ATP10B: variants seen among roughly 807,000 people sequenced by gnomAD.
ATP10B encodes the protein ATPase phospholipid transporting 10B (putative), also known as phospholipid-transporting ATPase VB.
ATP10B carries 122 observed loss-of-function variants against 141.2 expected under a neutral mutation model. The ratio of observed to expected loss-of-function variants is 0.86; its 90% CI spans 0.75 to 1.00. The LOEUF (loss-of-function observed/expected upper bound fraction) is 1.00, where lower values mean the gene tolerates loss of function less well. Among genes scored for constraint, ATP10B ranks in the 50% least tolerant of loss-of-function variants. ATP10B has a pLI of 0.00. For missense variants in ATP10B, 1,876 were observed against 1,825.3 expected (o/e 1.03, Z -0.51); for synonymous variants, 685 against 692.0 (o/e 0.99, Z 0.16).
intron 13 of ATP10B, among the ~76,000 whole-genome samples, chr5:160,626,577 C>A (rs1758624262): frequency 6.6e-6 from 1 of 152,176 alleles, no homozygotes; most frequent in South Asian, 2.1e-4. Context: ...AAAGTCTAAA[C>A]CCTTTAACGC....
At chr5:160,716,795 G>T (rs1765687000) in intron 3 of ATP10B, 114 bp downstream of exon 3, 1 of 721,976 alleles carries the variant, frequency 1.4e-6, no homozygotes, top group Non-Finnish European at 1.7e-6. Flanking sequence ...CTTAGCTCTG[G>T]TTTCCATCAT....
chr5:160,817,031 C>A, intron 1 of ATP10B, among the ~76,000 whole-genome samples: 1 of 152,142 alleles, frequency 6.6e-6, no homozygotes, highest in East Asian at 1.9e-4. Context: ...CTATGACAAA[C>A]CCACAGCCAA....
At chr5:160,900,889 C>T in the ATP10B span, among the ~76,000 whole-genome samples, 1 of 140,164 alleles carries the variant, frequency 7.1e-6, no homozygotes. Flanking sequence ...AAGTATAAAT[C>T]CTTTTGGGGG....
At chr5:160,879,547 A>AG in the ATP10B span, among the ~76,000 whole-genome samples, 1 of 151,472 alleles carries the variant, frequency 6.6e-6, no homozygotes, top group Non-Finnish European at 1.5e-5. Flanking sequence ...TAAAAAAAAA[A>AG]AAAAAACCAC....
chr5:160,831,348 T>A (rs1263957491), intron 1 of ATP10B, among the ~76,000 whole-genome samples: 1 of 152,056 alleles, frequency 6.6e-6, no homozygotes, highest in Non-Finnish European at 1.5e-5. Flanking sequence ...ATAAGATTAC[T>A]GAACTTTCCT....
the ATP10B span, among the ~76,000 whole-genome samples, chr5:160,888,600 G>A: frequency 7.2e-5 from 11 of 152,338 alleles, no homozygotes; most frequent in Non-Finnish European, 1.3e-4. Context: ...TCAAGAAGCA[G>A]AGGGGAGGAG....
intron 3 of ATP10B, among the ~76,000 whole-genome samples, chr5:160,704,235 T>C (rs1368011816): frequency 1.3e-5 from 2 of 152,084 alleles, no homozygotes; most frequent in Non-Finnish European, 2.9e-5. Flanking sequence ...TTTATTATTA[T>C]TGTTCGTAGA....
chr5:160,618,031 C>T, intron 15 of ATP10B, 58 bp from the exon 16 acceptor site: 2 of 1,315,122 alleles, frequency 1.5e-6, no homozygotes, highest in Admixed American at 1.7e-5. Context: ...GGATCCCCAT[C>T]CCCAATACCC....
At chr5:160,740,489 C>G in intron 2 of ATP10B, among the ~76,000 whole-genome samples, 2 of 152,220 alleles carry the variant, frequency 1.3e-5, no homozygotes, top group Admixed American at 1.3e-4. Flanking sequence ...CTCTGCTTAT[C>G]GGCCCTGGCT....
chr5:160,813,244 G>C (rs926924127), intron 1 of ATP10B, among the ~76,000 whole-genome samples: 20 of 152,312 alleles, frequency 1.3e-4, no homozygotes, highest in Non-Finnish European at 2.5e-4. Context: ...TCAAAGAAAG[G>C]GGTGACAGAT....
chr5:160,817,626 T>C (rs933141832), intron 1 of ATP10B, among the ~76,000 whole-genome samples: 1 of 152,204 alleles, frequency 6.6e-6, no homozygotes, highest in Non-Finnish European at 1.5e-5. Context: ...AATGACTTTC[T>C]TCACAGAATT....
the ATP10B span, among the ~76,000 whole-genome samples, chr5:160,884,067 G>C: frequency 2.6e-5 from 4 of 152,218 alleles, no homozygotes; most frequent in African/African-American, 9.6e-5. Context: ...TTGTTTATAA[G>C]CAACATAATA....
rs1379260928 is a variant in ATP10B, at chr5:160,812,059, AGG to A, written c.-575-26258_-575-26257del. Among the ~76,000 whole-genome samples the A allele has an allele frequency of 7.9e-4, 115 of 144,734 alleles. 1 individual carries two copies. Among genetic ancestry groups the A allele is most frequent in the South Asian group, 4.8e-3 (22 of 4,554 alleles). The allele number at this position is 144,734 out of a possible 152,430, so 95.0% of individuals were successfully genotyped here. On this transcript the variant is annotated intron_variant, in intron 1 of 25. Coordinates refer to ENST00000327245, the MANE Select transcript of ATP10B (RefSeq NM_025153.3). Reference sequence around the variant, plus strand: ...GAGAGAGAGAGAGAGAGAGAGAGAGAGGGAGAGGGAGAGAGATTCCTCTTGTT... The same window carrying A: ...GAGAGAGAGAGAGAGAGAGAGAGAGAGAGAGGGAGAGAGATTCCTCTTGTT...
intron 2 of ATP10B, among the ~76,000 whole-genome samples, chr5:160,726,227 C>A (rs981568529): frequency 1.3e-5 from 2 of 152,170 alleles, no homozygotes; most frequent in Non-Finnish European, 2.9e-5. Context: ...TGTTTGCTCA[C>A]ACCAGGGATA....
intron 3 of ATP10B, among the ~76,000 whole-genome samples, chr5:160,699,093 T>C (rs1346560810): frequency 6.6e-6 from 1 of 152,214 alleles, no homozygotes; most frequent in Non-Finnish European, 1.5e-5. Flanking sequence ...AAACTCGAAC[T>C]ACCTTTTCCC....
rs1159522959 is a variant in ATP10B at position 160,687,879 on chromosome 5, A to G, written c.196T>C (p.Tyr66His). Residue 66 changes from tyrosine to histidine, a missense_variant, in exon 5 of 26, where the codon TAC (tyrosine) becomes CAC (histidine). Transcript: ENST00000327245. ...GTTGTGCAGGTTCTGTTGCCAGGGT[A>G]TCTCCTGGAGACCTCTTCCCAATCT... is the stretch of plus-strand genomic sequence containing the variant. ...HQDWEEVSRRYPGNRTCTTKY... is the reference protein window; with the variant it reads ...HQDWEEVSRRHPGNRTCTTKY... 1.9e-6 allele frequency: 3 copies of G among 1,614,026 alleles called. No homozygotes were observed. The highest frequency in any genetic ancestry group is 4.5e-5 in the East Asian group (2 of 44,892).
intron 16 of ATP10B, 25 bp downstream of exon 16, chr5:160,617,839 G>T (rs749928410): frequency 1.3e-6 from 2 of 1,578,554 alleles, no homozygotes; most frequent in South Asian, 2.2e-5. Flanking sequence ...GATATTCAAA[G>T]CACGCTTGGA....
intron 2 of ATP10B, among the ~76,000 whole-genome samples, chr5:160,720,050 A>G (rs1001426988): frequency 6.6e-6 from 1 of 152,216 alleles, no homozygotes; most frequent in South Asian, 2.1e-4. Flanking sequence ...AATGTCCTGT[A>G]ACTCCTCCCA....
At chr5:160,907,834 C>T in the ATP10B span, among the ~76,000 whole-genome samples, 161 of 152,178 alleles carry the variant, frequency 1.1e-3, no homozygotes, top group Non-Finnish European at 1.7e-3. Flanking sequence ...TTTTCAGCCT[C>T]CCTTGCATTT....
Sources: allele counts gnomAD v4.1 joint callset (sites outside exome capture counted in the v4.1 genomes callset), GRCh38; gene constraint gnomAD v4.1.1; transcripts MANE v1.5; gene names NCBI Gene and HGNC (gene_info 2026-07-23, HGNC 2026-07-21).